NME8: variants seen among roughly 807,000 people sequenced by gnomAD.
NME8 encodes the protein NME/NM23 family member 8.
A neutral mutation model predicts 82.3 loss-of-function variants in NME8; 72 were observed. The ratio of observed to expected loss-of-function variants is 0.87; its 90% CI spans 0.72 to 1.06. NME8 has a LOEUF of 1.06. Among genes scored for constraint, NME8 ranks in the 50% least tolerant of loss-of-function variants. The pLI is 0.00. For missense variants in NME8, 712 were observed against 685.4 expected, an observed-to-expected ratio of 1.04 and a Z score of -0.43; for synonymous variants, 267 against 228.5, an observed-to-expected ratio of 1.17 and a Z score of -1.52.
At chr7:37,860,736 T>C (rs1421784673) in intron 6 of NME8, among the ~76,000 whole-genome samples, 1 of 152,208 alleles carries the variant, frequency 6.6e-6, no homozygotes, top group Non-Finnish European at 1.5e-5. Flanking sequence ...AGTTGGGGTC[T>C]AGGCATCTCC....
Position 37,885,197 on chromosome 7 carries a change from A to G in NME8, c.1192A>G (p.Lys398Glu), listed in dbSNP as rs774746738. 1 of 1,613,748 alleles carries G rather than the reference A, an allele frequency of 6.2e-7. No individual in the cohort carries two copies. The highest frequency in any genetic ancestry group is 8.5e-7 in the Non-Finnish European group (1 of 1,179,788). ...LLRDNGLQYWKQLLGPRTVEE... is the reference protein window; with the variant it reads ...LLRDNGLQYWEQLLGPRTVEE... ...GAGAGACAATGGCTTGCAATACTGG[A>G]AACAATTACTGGGACCAAGAACTGT... Residue 398 changes from lysine (K) to glutamate (E), a missense_variant, in exon 14 of 18, where the codon AAA becomes GAA. Coordinates refer to ENST00000199447, the MANE Select transcript of NME8 (RefSeq NM_016616.5).
Position 37,867,802 on chromosome 7 carries a change from A to C in NME8, c.722A>C (p.Glu241Ala). The C allele has an allele frequency of 1.9e-6, 3 of 1,613,972 alleles. No individual in the cohort carries two copies. The highest frequency in any genetic ancestry group is 2.5e-6 in the Non-Finnish European group (3 of 1,179,886). Reference protein sequence around the residue: ...SKHNPPSEETEPQTDTEPNER... With the variant: ...SKHNPPSEETAPQTDTEPNER... Reference sequence around the variant, plus strand: ...CACAATCCTCCCTCTGAAGAAACCGAACCACAGACTGACACCGAACCTAAC... The same window carrying C: ...CACAATCCTCCCTCTGAAGAAACCGCACCACAGACTGACACCGAACCTAAC... The change falls in exon 11 of 18, where the codon GAA becomes GCA. Residue 241 changes from glutamate (E) to alanine (A), a missense_variant. Physicochemically the swap from Glu to Ala is moderately radical, Grantham distance 107 (BLOSUM62 -1). Transcript: ENST00000199447.
intron 5 of NME8, 40 bp downstream of exon 5, chr7:37,850,775 ATATTAAGTTTTTAAG>A: frequency 7.5e-7 from 1 of 1,326,784 alleles, no homozygotes. Context: ...TTTTCACATT[ATATTAAGTTTTTAAG>A]TATCCTCTAA....
At chr7:37,855,163 C>T (rs1270269045) in intron 5 of NME8, among the ~76,000 whole-genome samples, 1 of 152,082 alleles carries the variant, frequency 6.6e-6, no homozygotes, top group East Asian at 1.9e-4. Flanking sequence ...TTGATGTCGA[C>T]CTCATGGGAT....
rs546160538 is a variant in NME8 at position 37,894,337 on chromosome 7, G to C, written c.1400-129G>C. On this transcript the variant is annotated intron_variant, in intron 15 of 17. Coordinates refer to ENST00000199447, the MANE Select transcript of NME8 (RefSeq NM_016616.5). Reference sequence around the variant, plus strand: ...TGCTTTGGAATTTTAATTTCGTTTGGCAGAGTTTTGCCATGTTAAACCACA... The same window carrying C: ...TGCTTTGGAATTTTAATTTCGTTTGCCAGAGTTTTGCCATGTTAAACCACA... 3 of 904,808 alleles carry C rather than the reference G, an allele frequency of 3.3e-6. No individual in the cohort carries two copies. In the Admixed American group the frequency reaches 6.6e-5, roughly 20 times the overall value. 56.0% of individuals were successfully genotyped at this position (904,808 alleles called of 1,614,324 possible). A position where few individuals can be genotyped will look rare whatever the true frequency, so the allele number is the denominator to read the frequency against.
rs1320187642 is a variant in NME8 at position 37,857,332 on chromosome 7, T to C, written c.257T>C (p.Phe86Ser). 6.2e-6 allele frequency: 10 copies of C among 1,607,406 alleles called. No homozygotes were observed. The South Asian group carries it at 1.1e-4, about 18-fold the overall frequency. The change falls in exon 6 of 18, where the codon TTT (phenylalanine) becomes TCT (serine). Residue 86 changes from phenylalanine to serine, a missense_variant. By Grantham distance (155) the Phe-to-Ser change is radical (BLOSUM62 -2). Transcript: ENST00000199447. ...TTTAGAGATAAATGTGAACCTGTTT[T>C]TCTCTTTAGTGTTGTAAGTATATTT... ...QPFRDKCEPV[F>S]LFSVNGKIIE... is the part of the protein sequence containing the mutation.
At chr7:37,862,631 T>C (rs1055905550) in intron 7 of NME8, among the ~76,000 whole-genome samples, 1 of 114,190 alleles carries the variant, frequency 8.8e-6, no homozygotes, top group Non-Finnish European at 1.8e-5. Context: ...ATATTGATTA[T>C]TGGTTTGAGA....
At chr7:37,852,165 TTTTAAA>T (rs1784447084) in intron 5 of NME8, among the ~76,000 whole-genome samples, 1 of 152,168 alleles carries the variant, frequency 6.6e-6, no homozygotes, top group East Asian at 1.9e-4. Flanking sequence ...TCCTTTAATT[TTTTAAA>T]AAATGTCTTT....
At chr7:37,894,357 A>G in intron 15 of NME8, 109 bp from the exon 16 acceptor site, 1 of 1,190,724 alleles carries the variant, frequency 8.4e-7, no homozygotes, top group East Asian at 2.4e-5. Context: ...GCCATGTTAA[A>G]CCACAATATG....
chr7:37,874,888 T>A (rs1296863771), intron 11 of NME8, among the ~76,000 whole-genome samples: 1 of 152,178 alleles, frequency 6.6e-6, no homozygotes, highest in East Asian at 1.9e-4. Flanking sequence ...AAGGGGAAAA[T>A]TGTAGCTTTT....
intron 6 of NME8, among the ~76,000 whole-genome samples, chr7:37,861,591 A>G (rs1263910634): frequency 1.3e-5 from 2 of 152,152 alleles, no homozygotes; most frequent in African/African-American, 2.4e-5. Flanking sequence ...ATTATTTTAT[A>G]CCATTGTGCC....
At chr7:37,863,269 A>T in intron 7 of NME8, 127 bp from the exon 8 acceptor site, 1 of 656,762 alleles carries the variant, frequency 1.5e-6, no homozygotes, top group Non-Finnish European at 2.7e-6. Context: ...AAGTTCAGGA[A>T]CTCTTCCACT....
chr7:37,892,864 T>G (rs1189988549), intron 15 of NME8, among the ~76,000 whole-genome samples: 1 of 151,950 alleles, frequency 6.6e-6, no homozygotes, highest in East Asian at 1.9e-4. Context: ...TTTGGGGGGG[T>G]ATTTGTCATC....
chr7:37,861,066 G>A (rs1831509879), intron 6 of NME8, among the ~76,000 whole-genome samples: 2 of 152,074 alleles, frequency 1.3e-5, no homozygotes, highest in Admixed American at 6.6e-5. Context: ...ACTTGTCTGC[G>A]AATATTTTCT....
chr7:37,861,818 G>A (rs1036393414), intron 6 of NME8, among the ~76,000 whole-genome samples: 5 of 152,156 alleles, frequency 3.3e-5, no homozygotes, highest in Non-Finnish European at 7.3e-5. Context: ...CATGCAAATT[G>A]GAGGTAGAAC....
chr7:37,849,880 A>C (rs75179635), intron 2 of NME8, among the ~76,000 whole-genome samples: 10 of 149,754 alleles, frequency 6.7e-5, no homozygotes, highest in South Asian at 2.1e-4. Flanking sequence ...AAAAAAAAAA[A>C]AAAAAAAAAA....
Position 37,882,613 on chromosome 7 carries a change from GAGAAAGAA to G in NME8, c.995-1666_995-1659del, listed in dbSNP as rs1170328713. On this transcript the variant is annotated intron_variant, in intron 12 of 17. Transcript: ENST00000199447. ...AAAGAAAGAAAGAGAGAGAGAGAGAGAGAAAGAAAGAAAGAAAGAAAGAAAGAAAGAGA... is the reference window on the plus strand; with the variant it reads ...AAAGAAAGAAAGAGAGAGAGAGAGAGAGAAAGAAAGAAAGAAAGAAAGAGA... Among the ~76,000 whole-genome samples the G allele has an allele frequency of 5.9e-3, 503 of 85,046 alleles. 13 individuals are homozygous for G. The highest frequency in any genetic ancestry group is 0.041 in the Admixed American group (356 of 8,768). The allele number at this position is 85,046 out of a possible 152,430, so 55.8% of individuals were successfully genotyped here. A position where few individuals can be genotyped will look rare whatever the true frequency, so the allele number is the denominator to read the frequency against.
intron 11 of NME8, 85 bp from the exon 12 acceptor site, chr7:37,876,747 T>G (rs773078194): frequency 3.0e-6 from 3 of 991,262 alleles, no homozygotes; most frequent in South Asian, 1.5e-5. Flanking sequence ...TTCTAGTAAT[T>G]TCTGAACATA....
intron 17 of NME8, 94 bp downstream of exon 17, chr7:37,897,201 T>G: frequency 1.3e-6 from 1 of 793,018 alleles, no homozygotes; most frequent in Non-Finnish European, 2.1e-6. Flanking sequence ...GAACTTTTCC[T>G]AAATTCCTGA....
Sources: allele counts gnomAD v4.1 joint callset (sites outside exome capture counted in the v4.1 genomes callset), GRCh38; gene constraint gnomAD v4.1.1; transcripts MANE v1.5; gene names NCBI Gene and HGNC (gene_info 2026-07-23, HGNC 2026-07-21).